The following ARHGEF26 variants were observed in gnomAD, a reference collection of about 807,000 sequenced individuals.
ARHGEF26 encodes the protein Rho guanine nucleotide exchange factor (GEF) 26.
Under a neutral mutation model 89.4 loss-of-function variants are expected in ARHGEF26, and 59 were observed. The ratio of observed to expected loss-of-function variants is 0.66; its 90% CI spans 0.54 to 0.82. ARHGEF26 has a LOEUF of 0.82. ARHGEF26 is among the 40% of genes least tolerant of loss of function. The pLI is 0.00. For missense variants in ARHGEF26, 1,234 were observed against 1,085.6 expected, an observed-to-expected ratio of 1.14 and a Z score of -1.92; for synonymous variants, 500 against 428.4, an observed-to-expected ratio of 1.17 and a Z score of -2.06.
chr3:154,150,614 T>G (rs1414486862), intron 5 of ARHGEF26, among the ~76,000 whole-genome samples: 1 of 152,196 alleles, frequency 6.6e-6, no homozygotes, highest in African/African-American at 2.4e-5. Context: ...AACACCACCT[T>G]TAAATATTTT....
chr3:154,254,571 A>G (rs1718362789), intron 13 of ARHGEF26, 149 bp from the exon 14 acceptor site: 7 of 624,150 alleles, frequency 1.1e-5, no homozygotes, highest in Non-Finnish European at 1.7e-5. Context: ...AGTTGCTAGA[A>G]AAGATGTTCT....
chr3:154,208,800 C>CT (rs1715188510), intron 9 of ARHGEF26, among the ~76,000 whole-genome samples: 1 of 137,842 alleles, frequency 7.3e-6, no homozygotes, highest in Non-Finnish European at 1.5e-5. Flanking sequence ...GAGTCTCACT[C>CT]TATCACCCAG....
intron 9 of ARHGEF26, among the ~76,000 whole-genome samples, chr3:154,195,012 GT>G (rs1714202364): frequency 6.6e-6 from 1 of 152,178 alleles, no homozygotes; most frequent in African/African-American, 2.4e-5. Context: ...ATCAACCACT[GT>G]GCCAAGAATG....
intron 6 of ARHGEF26, among the ~76,000 whole-genome samples, chr3:154,167,057 C>T (rs1253969436): frequency 6.6e-6 from 1 of 152,082 alleles, no homozygotes; most frequent in Non-Finnish European, 1.5e-5. Context: ...TGTATGCTCC[C>T]CAAATAAGCC....
rs1712522728 is a variant in ARHGEF26, at chr3:154,172,625, T to C, written c.1488-15060T>C. ...ATGAGAATTGCTTGAACCCAGGAGG[T>C]AGAGGTTGCAGTGAGCCGAGATCAC... is the stretch of plus-strand genomic sequence containing the variant. On this transcript the variant is annotated intron_variant, in intron 6 of 14. Transcript: ENST00000465093. Among the ~76,000 whole-genome samples, 2 of 151,708 alleles carry C rather than the reference T, an allele frequency of 1.3e-5. 1 individual carries two copies. The highest frequency in any genetic ancestry group is 4.2e-4 in the South Asian group (2 of 4,786).
chr3:154,165,805 C>T (rs1241371932), intron 6 of ARHGEF26, among the ~76,000 whole-genome samples: 1 of 152,036 alleles, frequency 6.6e-6, no homozygotes, highest in Non-Finnish European at 1.5e-5. Context: ...TGCTGTGAGT[C>T]TGTTATCACC....
chr3:154,170,075 C>A (rs1453952018), intron 6 of ARHGEF26, among the ~76,000 whole-genome samples: 1 of 150,574 alleles, frequency 6.6e-6, no homozygotes, highest in Non-Finnish European at 1.5e-5. Context: ...AAAAAAAAAA[C>A]AACTAGCTGG....
In ARHGEF26 at chr3:154,184,714, G is replaced by A. The variant is rs191131967; in HGVS notation, c.1488-2971G>A. On this transcript the variant is annotated intron_variant, in intron 6 of 14. Coordinates refer to ENST00000465093, the MANE Select transcript of ARHGEF26 (RefSeq NM_015595.4). ...GCTTGCCCAGATTAGCCACCTAACC[G>A]GCCTGCTTGCCATCTGTTCCTCCCT... is the stretch of plus-strand genomic sequence containing the variant. 4.6e-3 allele frequency among the ~76,000 whole-genome samples: 697 copies of A among 152,126 alleles called. 3 individuals are homozygous for A. Among genetic ancestry groups the A allele is most frequent in the African/African-American group, 0.016 (663 of 41,480 alleles).
At chr3:154,156,705 C>G (rs1256375475) in intron 6 of ARHGEF26, among the ~76,000 whole-genome samples, 1 of 152,156 alleles carries the variant, frequency 6.6e-6, no homozygotes, top group Admixed American at 6.6e-5. Flanking sequence ...TGATGTAAGG[C>G]CTGCTTGTTG....
intron 6 of ARHGEF26, among the ~76,000 whole-genome samples, chr3:154,169,898 A>G (rs1712308185): frequency 6.6e-6 from 1 of 152,202 alleles, no homozygotes; most frequent in Non-Finnish European, 1.5e-5. Context: ...GTATTCCAGT[A>G]ATTCAATGTT....
intron 4 of ARHGEF26, among the ~76,000 whole-genome samples, chr3:154,148,047 A>G (rs1719802201): frequency 1.3e-5 from 2 of 152,124 alleles, no homozygotes; most frequent in Admixed American, 1.3e-4. Flanking sequence ...TTTGGAGTTG[A>G]CTGTGGAAGG....
At chr3:154,171,068 G>A (rs1236687194) in intron 6 of ARHGEF26, among the ~76,000 whole-genome samples, 1 of 152,136 alleles carries the variant, frequency 6.6e-6, no homozygotes, top group African/African-American at 2.4e-5. Context: ...ATAATTGTGT[G>A]TTGTTTCCTT....
intron 6 of ARHGEF26, among the ~76,000 whole-genome samples, chr3:154,161,109 T>G (rs1383034161): frequency 4.6e-4 from 5 of 10,986 alleles, no homozygotes; most frequent in Middle Eastern, 0.038. Context: ...TTTGTGTGTG[T>G]GTGTGTGTGT....
intron 9 of ARHGEF26, among the ~76,000 whole-genome samples, chr3:154,212,024 T>C (rs1215192614): frequency 3.3e-5 from 5 of 152,076 alleles, no homozygotes; most frequent in African/African-American, 7.2e-5. Context: ...CGTATTTAAG[T>C]TGACATTGGT....
At chr3:154,153,569 TATG>T (rs1480721493) in intron 6 of ARHGEF26, among the ~76,000 whole-genome samples, 2 of 152,070 alleles carry the variant, frequency 1.3e-5, no homozygotes, top group Non-Finnish European at 2.9e-5. Flanking sequence ...TGGTTATACT[TATG>T]ATGATGCTTT....
rs36102681 is a variant in ARHGEF26 at position 154,234,875 on chromosome 3, T to C, written c.2091-5495T>C. Among the ~76,000 whole-genome samples the C allele has an allele frequency of 7.8e-3, 1,192 of 152,206 alleles. 7 individuals carry two copies. Among genetic ancestry groups the C allele is most frequent in the African/African-American group, 0.024 (988 of 41,534 alleles). ...CCGCCTCTCAGGTTCACGCCATTCTTCTGCCTCAGCCTCCTGAGTAGCTGG... is the reference window on the plus strand; with the variant it reads ...CCGCCTCTCAGGTTCACGCCATTCTCCTGCCTCAGCCTCCTGAGTAGCTGG... On this transcript the variant is annotated intron_variant, in intron 11 of 14. Transcript: ENST00000465093.
intron 3 of ARHGEF26, among the ~76,000 whole-genome samples, chr3:154,126,488 G>A (rs937174941): frequency 6.6e-6 from 1 of 152,110 alleles, no homozygotes; most frequent in Non-Finnish European, 1.5e-5. Context: ...ATCATCTTTC[G>A]TTGACTACCC....
intron 9 of ARHGEF26, among the ~76,000 whole-genome samples, chr3:154,215,891 A>G (rs1200610135): frequency 6.6e-6 from 1 of 152,216 alleles, no homozygotes; most frequent in Non-Finnish European, 1.5e-5. Context: ...GGGAGACACA[A>G]ACATTTAGTC....
rs1401233141 is a variant in ARHGEF26 at position 154,226,010 on chromosome 3, G to A, written c.2090G>A (p.Ser697Asn). ...NDVLIITKKK[S>N]EESYNVNDYS... is the part of the protein sequence containing the mutation. ...GTGCTCATTATCACCAAGAAGAAGA[G>A]GTAAGTCTTTATCTGGTGTTGCTGA... Residue 697 changes from serine (S) to asparagine (N), a missense_variant and splice_region_variant, in exon 11 of 15, where the codon AGT (serine) becomes AAT (asparagine). Transcript: ENST00000465093. The A allele has an allele frequency of 1.2e-6, 2 of 1,607,158 alleles. No homozygotes were observed. Among genetic ancestry groups the A allele is most frequent in the African/African-American group, 1.3e-5 (1 of 74,368 alleles).
Sources: allele counts gnomAD v4.1 joint callset (sites outside exome capture counted in the v4.1 genomes callset), GRCh38; gene constraint gnomAD v4.1.1; transcripts MANE v1.5; gene names NCBI Gene and HGNC (gene_info 2026-07-23, HGNC 2026-07-21).